AGBL4: variants seen among roughly 807,000 people sequenced by gnomAD.
The protein encoded by AGBL4 is cytosolic carboxypeptidase 6.
In AGBL4, 58 loss-of-function variants were observed where a neutral mutation model predicts 66.4. That is an observed-to-expected ratio of 0.87 (90% CI 0.71 to 1.09). The LOEUF (loss-of-function observed/expected upper bound fraction) is 1.09. AGBL4 is among the 50% of genes least tolerant of loss of function. The pLI, the probability that AGBL4 is intolerant of heterozygous loss-of-function variation, is 0.00. For missense variants in AGBL4, 579 were observed against 631.0 expected, an observed-to-expected ratio of 0.92 and a Z score of 0.88; for synonymous variants, 234 against 222.9, an observed-to-expected ratio of 1.05 and a Z score of -0.44.
intron 2 of AGBL4, among the ~76,000 whole-genome samples, chr1:49,798,088 G>A (rs183906980): frequency 1.4e-4 from 21 of 152,226 alleles, no homozygotes; most frequent in African/African-American, 4.1e-4. Context: ...TCTTCTCTGG[G>A]AGATATTCTT....
intron 2 of AGBL4, chr1:49,845,439 C>A: frequency 6.8e-7 from 1 of 1,467,218 alleles, no homozygotes; most frequent in Non-Finnish European, 9.5e-7. Flanking sequence ...GGAAAGCCTT[C>A]CAGCAAAGCA....
At chr1:49,594,849 T>C (rs868752460) in intron 3 of AGBL4, among the ~76,000 whole-genome samples, 1 of 152,212 alleles carries the variant, frequency 6.6e-6, no homozygotes, top group Non-Finnish European at 1.5e-5. Flanking sequence ...GTCTTTATAG[T>C]AGAATGATTT....
chr1:49,358,256 C>T (rs151182087), intron 3 of AGBL4, among the ~76,000 whole-genome samples: 94 of 152,034 alleles, frequency 6.2e-4, no homozygotes, highest in Admixed American at 1.3e-3. Context: ...CATACCAGAC[C>T]CCAATTAAGA....
intron 3 of AGBL4, among the ~76,000 whole-genome samples, chr1:49,494,728 T>G (rs1471999247): frequency 2.0e-5 from 3 of 152,102 alleles, no homozygotes; most frequent in African/African-American, 7.2e-5. Flanking sequence ...AATGCCGCCA[T>G]AAACATACGT....
intron 11 of AGBL4, among the ~76,000 whole-genome samples, chr1:48,555,903 G>A (rs1024701825): frequency 2.0e-5 from 3 of 152,156 alleles, no homozygotes; most frequent in Middle Eastern, 3.2e-3. Flanking sequence ...AGCACACCAG[G>A]TTCCTGCCTT....
At chr1:49,788,592 C>G (rs1349379773) in intron 2 of AGBL4, among the ~76,000 whole-genome samples, 1 of 151,734 alleles carries the variant, frequency 6.6e-6, no homozygotes, top group East Asian at 1.9e-4. Flanking sequence ...TAAAAAGAAA[C>G]AAATGGAAAT....
chr1:49,558,732 G>A (rs1487517523), intron 3 of AGBL4, among the ~76,000 whole-genome samples: 3 of 152,128 alleles, frequency 2.0e-5, no homozygotes, highest in Non-Finnish European at 4.4e-5. Context: ...GTGAGTTGCA[G>A]GCCAAGCAGC....
intron 4 of AGBL4, among the ~76,000 whole-genome samples, chr1:49,076,813 T>C (rs1644718140): frequency 6.6e-6 from 1 of 152,172 alleles, no homozygotes; most frequent in Non-Finnish European, 1.5e-5. Context: ...GTCCTCATTG[T>C]TGCCATTCAG....
intron 6 of AGBL4, among the ~76,000 whole-genome samples, chr1:48,856,498 A>T (rs951812655): frequency 2.6e-5 from 4 of 152,182 alleles, no homozygotes; most frequent in African/African-American, 7.2e-5. Flanking sequence ...CGGCTGTTAG[A>T]CCACTATACT....
At chr1:49,351,505 T>C (rs1005827285) in intron 3 of AGBL4, among the ~76,000 whole-genome samples, 2 of 152,040 alleles carry the variant, frequency 1.3e-5, no homozygotes, top group African/African-American at 4.8e-5. Flanking sequence ...TATGAAATAA[T>C]AATTAAGCTG....
chr1:48,717,212 T>C (rs907752355), intron 6 of AGBL4, among the ~76,000 whole-genome samples: 2 of 152,190 alleles, frequency 1.3e-5, no homozygotes, highest in Non-Finnish European at 2.9e-5. Flanking sequence ...ACTTAAAACA[T>C]TACTGAAGCC....
At chr1:49,147,317 A>G (rs1191754003) in intron 4 of AGBL4, among the ~76,000 whole-genome samples, 2 of 152,200 alleles carry the variant, frequency 1.3e-5, no homozygotes, top group African/African-American at 2.4e-5. Context: ...TCCAAAGTCT[A>G]TGCTCTTTCT....
intron 6 of AGBL4, among the ~76,000 whole-genome samples, chr1:48,799,032 G>A (rs977763575): frequency 6.6e-5 from 10 of 152,164 alleles, no homozygotes; most frequent in Middle Eastern, 3.4e-3. Context: ...TTTTAGGATT[G>A]TTTTTTCTAG....
At chr1:49,284,168 G>C (rs2148411145) in intron 3 of AGBL4, among the ~76,000 whole-genome samples, 1 of 152,282 alleles carries the variant, frequency 6.6e-6, no homozygotes, top group Admixed American at 6.5e-5. Flanking sequence ...AACAGCAGCG[G>C]ATCTCTCGGC....
intron 3 of AGBL4, among the ~76,000 whole-genome samples, chr1:49,606,423 G>A (rs1645064606): frequency 6.6e-6 from 1 of 152,036 alleles, no homozygotes; most frequent in Non-Finnish European, 1.5e-5. Context: ...ATGCTGCTGC[G>A]ATCTTATTTT....
At chr1:49,177,972 C>A (rs956238432) in intron 4 of AGBL4, among the ~76,000 whole-genome samples, 2 of 152,072 alleles carry the variant, frequency 1.3e-5, no homozygotes, top group Non-Finnish European at 2.9e-5. Flanking sequence ...ACATGGAAAG[C>A]CTCAAACTGA....
intron 6 of AGBL4, among the ~76,000 whole-genome samples, chr1:48,738,185 A>C (rs905894242): frequency 6.6e-6 from 1 of 152,222 alleles, no homozygotes; most frequent in Non-Finnish European, 1.5e-5. Flanking sequence ...GAAATTTTCC[A>C]ACCATCAAGA....
chr1:49,877,179 G>C (rs1251385088), intron 1 of AGBL4, among the ~76,000 whole-genome samples: 1 of 151,346 alleles, frequency 6.6e-6, no homozygotes, highest in East Asian at 1.9e-4. Context: ...GCCCTGGCCA[G>C]AACTTCCAAC....
intron 1 of AGBL4, among the ~76,000 whole-genome samples, chr1:49,911,304 G>T (rs915682305): frequency 2.0e-5 from 3 of 152,096 alleles, no homozygotes; most frequent in Non-Finnish European, 4.4e-5. Context: ...ATTGTTGAGA[G>T]GAAGAAATGG....
Sources: allele counts gnomAD v4.1 joint callset (sites outside exome capture counted in the v4.1 genomes callset), GRCh38; gene constraint gnomAD v4.1.1; transcripts MANE v1.5; gene names NCBI Gene and HGNC (gene_info 2026-07-23, HGNC 2026-07-21).